Variants in LHPP observed in about 807,000 individuals in gnomAD.
LHPP encodes the protein phospholysine phosphohistidine inorganic pyrophosphate phosphatase.
A neutral mutation model predicts 30.3 loss-of-function variants in LHPP; 24 were observed. The ratio of observed to expected loss-of-function variants is 0.79; its 90% CI spans 0.57 to 1.11. The LOEUF (loss-of-function observed/expected upper bound fraction) is 1.11. Among genes scored for constraint, LHPP ranks in the 50% most tolerant of loss-of-function variants. The probability of loss-of-function intolerance (pLI) is 0.00; values close to 1 mark genes in which losing one functional copy is unlikely to be tolerated. For synonymous variants in LHPP, 150 were observed against 157.1 expected, an observed-to-expected ratio of 0.95 and a Z score of 0.34; for missense variants, 356 against 367.2, an observed-to-expected ratio of 0.97 and a Z score of 0.25.
At position 124,476,823 on chromosome 10, in the gene LHPP, G is replaced by A. The variant is rs367811822; in HGVS notation, c.126-7316G>A. The stretch of plus-strand genomic sequence containing the variant: ...GTGGGTTTCAATTCTCCAAACATGC[G>A]TGTTCAATCTCCATTGCTTTCCAAA... On this transcript the variant is annotated intron_variant, in intron 1 of 6. Coordinates refer to ENST00000368842, the MANE Select transcript of LHPP (RefSeq NM_022126.4). 1.1e-4 allele frequency among the ~76,000 whole-genome samples: 16 copies of A among 152,180 alleles called. No individual in the cohort carries two copies. The East Asian group carries it at 2.3e-3, about 22-fold the overall frequency.
At chr10:124,570,444 C>A (rs921977013) in intron 6 of LHPP, among the ~76,000 whole-genome samples, 1 of 152,370 alleles carries the variant, frequency 6.6e-6, no homozygotes, top group Admixed American at 6.5e-5. Flanking sequence ...ACCCTATGAG[C>A]AGCCAGGTTT....
At chr10:124,603,975 T>C (rs1211413069) in intron 6 of LHPP, among the ~76,000 whole-genome samples, 1 of 152,226 alleles carries the variant, frequency 6.6e-6, no homozygotes, top group Non-Finnish European at 1.5e-5. Context: ...TCAGGTGCCA[T>C]GTGAGCTCTT....
chr10:124,601,993 G>A (rs2362504), intron 6 of LHPP, among the ~76,000 whole-genome samples: 35,570 of 152,194 alleles, frequency 0.23, 4,872 homozygotes, highest in East Asian at 0.41. Flanking sequence ...GCTGTGCCCC[G>A]TCCTCCGCTG....
chr10:124,581,390 G>A (rs1308534251), intron 6 of LHPP, among the ~76,000 whole-genome samples: 1 of 152,212 alleles, frequency 6.6e-6, no homozygotes, highest in Non-Finnish European at 1.5e-5. Context: ...TGTGGACATA[G>A]GTCTTCATTT....
chr10:124,536,369 G>A (rs538822456), intron 6 of LHPP, among the ~76,000 whole-genome samples: 1 of 152,350 alleles, frequency 6.6e-6, no homozygotes, highest in Non-Finnish European at 1.5e-5. Flanking sequence ...GTTCCCGCAT[G>A]CAGTCCCAAA....
intron 6 of LHPP, among the ~76,000 whole-genome samples, chr10:124,568,977 G>C (rs1031974409): frequency 6.6e-6 from 1 of 152,102 alleles, no homozygotes; most frequent in African/African-American, 2.4e-5. Context: ...TGCTCCCAGC[G>C]CCCTCCCACA....
chr10:124,527,772 C>CTT (rs373948138), intron 6 of LHPP, among the ~76,000 whole-genome samples: 2 of 104,192 alleles, frequency 1.9e-5, no homozygotes, highest in African/African-American at 8.7e-5. Context: ...TCTCTTTGTG[C>CTT]TTTTTTTTTT....
intron 1 of LHPP, among the ~76,000 whole-genome samples, chr10:124,466,317 G>A (rs371288233): frequency 6.6e-6 from 1 of 152,216 alleles, no homozygotes; most frequent in Non-Finnish European, 1.5e-5. Flanking sequence ...TTCTCCTGCT[G>A]TGTTTGCATA....
At chr10:124,544,225 G>A (rs11245278) in intron 6 of LHPP, among the ~76,000 whole-genome samples, 47,626 of 120,884 alleles carry the variant, frequency 0.39, 8,213 homozygotes, top group Admixed American at 0.51. Context: ...GCCTCCGTCC[G>A]CCCCCATGCA....
intron 6 of LHPP, among the ~76,000 whole-genome samples, chr10:124,591,838 A>ATCT (rs10623274): frequency 0.94 from 142,495 of 151,828 alleles, 67,469 homozygotes; most frequent in East Asian, 1. Flanking sequence ...AAACATTCTC[A>ATCT]TCTCTCTGAT....
At chr10:124,602,165 A>G (rs1315638659) in intron 6 of LHPP, among the ~76,000 whole-genome samples, 1 of 152,176 alleles carries the variant, frequency 6.6e-6, no homozygotes, top group African/African-American at 2.4e-5. Flanking sequence ...ACGTGAGCCC[A>G]GATTTCGATT....
rs1341733700 is a variant in LHPP at position 124,596,256 on chromosome 10, G to A, written c.717-17008G>A. The stretch of plus-strand genomic sequence containing the variant: ...CTTGGTGGACATAGCCTCATTTCAT[G>A]TGTGTGACTCAGGAGTGAGGTTGCT... On this transcript the variant is annotated intron_variant, in intron 6 of 6. Transcript: ENST00000368842. The surrounding 1 kb of genome is among the most constrained non-coding windows in gnomAD (Gnocchi z 4.6). Among the ~76,000 whole-genome samples, 1 of 152,080 alleles carries A rather than the reference G, an allele frequency of 6.6e-6. No individual in the cohort carries two copies. Among genetic ancestry groups the A allele is most frequent in the East Asian group, 1.9e-4 (1 of 5,192 alleles).
At chr10:124,588,642 A>T (rs111907992) in intron 6 of LHPP, among the ~76,000 whole-genome samples, 7,226 of 152,226 alleles carry the variant, frequency 0.047, 532 homozygotes, top group African/African-American at 0.16. Context: ...ATATTGATGG[A>T]TCCTGGCTCC....
chr10:124,482,959 A>G (rs1370736799), intron 1 of LHPP, among the ~76,000 whole-genome samples: 3 of 152,178 alleles, frequency 2.0e-5, no homozygotes, highest in African/African-American at 7.2e-5. Context: ...TCACGACTAC[A>G]GCTCTGTGCA....
chr10:124,489,356 T>C (rs9422989), intron 3 of LHPP, among the ~76,000 whole-genome samples: 124,429 of 152,148 alleles, frequency 0.82, 51,243 homozygotes, highest in East Asian at 0.92. Context: ...TGTTTTGTCA[T>C]CTGTTTTTTA....
chr10:124,531,238 C>T (rs1954895972), intron 6 of LHPP, among the ~76,000 whole-genome samples: 1 of 152,244 alleles, frequency 6.6e-6, no homozygotes, highest in Admixed American at 6.5e-5. Flanking sequence ...CACACCCCGT[C>T]TCAAGGTCAT....
At chr10:124,549,493 A>C (rs553490226) in intron 6 of LHPP, among the ~76,000 whole-genome samples, 1 of 152,286 alleles carries the variant, frequency 6.6e-6, no homozygotes, top group Non-Finnish European at 1.5e-5. Flanking sequence ...GGGATATTTA[A>C]GAGAAAGGAA....
At chr10:124,462,843 A>C (rs1169365473) in intron 1 of LHPP, among the ~76,000 whole-genome samples, 1 of 151,954 alleles carries the variant, frequency 6.6e-6, no homozygotes, top group Middle Eastern at 3.4e-3. Flanking sequence ...GATTACAGGC[A>C]CCCGCCATCA....
intron 4 of LHPP, 32 bp from the exon 5 acceptor site, chr10:124,498,004 A>C (rs779512971): frequency 2.2e-5 from 35 of 1,573,496 alleles, no homozygotes; most frequent in Admixed American, 1.2e-4. Flanking sequence ...CTTGATCCCA[A>C]ACTTATGCCA....
Sources: allele counts gnomAD v4.1 joint callset (sites outside exome capture counted in the v4.1 genomes callset), GRCh38; gene constraint gnomAD v4.1.1; non-coding constraint Gnocchi (gnomAD v3.1); transcripts MANE v1.5; gene names NCBI Gene and HGNC (gene_info 2026-07-23, HGNC 2026-07-21).